Variants in ACACA observed in about 807,000 individuals in gnomAD.
ACACA encodes the protein acetyl-CoA carboxylase alpha.
A neutral mutation model predicts 296.1 loss-of-function variants in ACACA; 103 were observed. The observed-to-expected ratio is 0.35, with a 90% CI of 0.30 to 0.41. The LOEUF is 0.41. Ranked by LOEUF, ACACA falls within the 10% of genes least tolerant of loss-of-function variation. The pLI, the probability that ACACA is intolerant of heterozygous loss-of-function variation, is 1.00. For synonymous variants in ACACA, 953 were observed against 1,038.6 expected (o/e 0.92, Z 1.58); for missense variants, 1,554 against 2,989.7 (o/e 0.52, Z 11.20).
At chr17:37,166,045 A>G (rs1384214534) in intron 41 of ACACA, among the ~76,000 whole-genome samples, 1 of 152,222 alleles carries the variant, frequency 6.6e-6, no homozygotes, top group African/African-American at 2.4e-5. Context: ...TTGAACGATT[A>G]TAGCATCTCC....
chr17:37,268,766 T>C (rs996487163), intron 10 of ACACA, among the ~76,000 whole-genome samples: 101 of 146,850 alleles, frequency 6.9e-4, no homozygotes, highest in African/African-American at 2.5e-3. Flanking sequence ...TATATATATA[T>C]ATCTGGTTCA....
At chr17:37,368,942 T>C (rs1597722438) in intron 1 of ACACA, among the ~76,000 whole-genome samples, 1 of 152,296 alleles carries the variant, frequency 6.6e-6, no homozygotes, top group African/African-American at 2.4e-5. Context: ...CTACATACCC[T>C]ATAACCAGCG....
intron 28 of ACACA, among the ~76,000 whole-genome samples, chr17:37,223,017 G>A (rs2079369530): frequency 6.6e-6 from 1 of 152,038 alleles, no homozygotes; most frequent in Non-Finnish European, 1.5e-5. Context: ...AGTAACTGTA[G>A]GATTAAATGA....
At chr17:37,231,555 C>T (rs1219845833) in intron 25 of ACACA, among the ~76,000 whole-genome samples, 1 of 152,128 alleles carries the variant, frequency 6.6e-6, no homozygotes, top group African/African-American at 2.4e-5. Flanking sequence ...AAATTATTTG[C>T]AGTCAGGTTA....
rs916006265 is a variant in ACACA at position 37,192,339 on chromosome 17, A to G, written c.4201-34T>C. On this transcript the variant is annotated intron_variant, in intron 36 of 55. Coordinates refer to ENST00000616317, the MANE Select transcript of ACACA (RefSeq NM_198834.3). ...AAGAATCAGAGAAAAAACAGCTCACAAGAGGCAGTTACAAAATTATACTAT... is the reference window on the plus strand; with the variant it reads ...AAGAATCAGAGAAAAAACAGCTCACGAGAGGCAGTTACAAAATTATACTAT... 9.4e-6 allele frequency: 15 copies of G among 1,589,292 alleles called. 1 individual carries two copies. Among genetic ancestry groups the G allele is most frequent in the African/African-American group, 1.3e-5 (1 of 74,356 alleles).
intron 12 of ACACA, 140 bp downstream of exon 12, chr17:37,259,220 C>T: frequency 2.0e-6 from 2 of 989,086 alleles, no homozygotes; most frequent in Non-Finnish European, 3.2e-6. Context: ...ACATGCATAA[C>T]ACATACAGGG....
At chr17:37,188,619 G>A (rs2077628586) in intron 38 of ACACA, 139 bp from the exon 39 acceptor site, 1 of 854,402 alleles carries the variant, frequency 1.2e-6, no homozygotes, top group South Asian at 1.6e-5. Context: ...ACAAAAAGTG[G>A]TCAGATAGTT....
intron 1 of ACACA, chr17:37,391,503 T>G (rs760582677): frequency 1.4e-6 from 1 of 704,856 alleles, no homozygotes; most frequent in Non-Finnish European, 2.5e-6. Context: ...ACTTTCTCAG[T>G]GTAATTATCG....
chr17:37,401,576 T>C (rs2051293566), intron 1 of ACACA, among the ~76,000 whole-genome samples: 1 of 127,322 alleles, frequency 7.9e-6, no homozygotes, highest in African/African-American at 3.1e-5. Flanking sequence ...TTTTTTTTTT[T>C]CCAGACGAGG....
chr17:37,301,298 A>C, intron 3 of ACACA: 1 of 827,290 alleles, frequency 1.2e-6, no homozygotes, highest in South Asian at 5.5e-5. Context: ...GAATACAAGA[A>C]ATAAAAAGCC....
intron 1 of ACACA, among the ~76,000 whole-genome samples, chr17:37,382,265 C>T (rs1357279642): frequency 6.6e-6 from 1 of 152,014 alleles, no homozygotes; most frequent in East Asian, 1.9e-4. Flanking sequence ...CCTATTCCCC[C>T]ACAGCTGCTG....
chr17:37,399,771 T>C (rs1393876587), intron 1 of ACACA, among the ~76,000 whole-genome samples: 1 of 152,164 alleles, frequency 6.6e-6, no homozygotes, highest in African/African-American at 2.4e-5. Context: ...AAAATCCTGA[T>C]GCCAGCCAAC....
Position 37,223,432 on chromosome 17 carries a change from C to T in ACACA, c.3564+80G>A, listed in dbSNP as rs980108826. Reference sequence around the variant, plus strand: ...CAACCTTAAGGCCAGAGAACTAGAACTGACATGGCAGCCAAATAGACAGAA... The same window carrying T: ...CAACCTTAAGGCCAGAGAACTAGAATTGACATGGCAGCCAAATAGACAGAA... On this transcript the variant is annotated intron_variant, in intron 28 of 55. Coordinates refer to ENST00000616317, the MANE Select transcript of ACACA (RefSeq NM_198834.3). 3.4e-6 allele frequency: 4 copies of T among 1,174,662 alleles called. No homozygotes were observed. The African/African-American group carries it at 4.5e-5, about 13-fold the overall frequency. 72.8% of individuals were successfully genotyped at this position (1,174,662 alleles called of 1,614,324 possible). A position where few individuals can be genotyped will look rare whatever the true frequency, so the allele number is the denominator to read the frequency against.
intron 1 of ACACA, among the ~76,000 whole-genome samples, chr17:37,400,728 T>TTGTG (rs551347148): frequency 0.01 from 1,527 of 146,032 alleles, 27 homozygotes; most frequent in African/African-American, 0.034. Context: ...CAGTATTCCA[T>TTGTG]TGTGTGTGTG....
chr17:37,282,479 T>A (rs2082584888), intron 5 of ACACA, among the ~76,000 whole-genome samples: 1 of 152,230 alleles, frequency 6.6e-6, no homozygotes, highest in Admixed American at 6.5e-5. Flanking sequence ...AATAAATTGG[T>A]GTCTTCTCAA....
intron 47 of ACACA, among the ~76,000 whole-genome samples, chr17:37,126,949 T>C (rs1413588667): frequency 1.3e-5 from 2 of 152,216 alleles, no homozygotes; most frequent in Admixed American, 6.5e-5. Context: ...TGCTTTAACT[T>C]ATCACAGGGA....
intron 11 of ACACA, among the ~76,000 whole-genome samples, chr17:37,260,615 T>G (rs1017160346): frequency 6.6e-6 from 1 of 152,048 alleles, no homozygotes; most frequent in Non-Finnish European, 1.5e-5. Context: ...TAAGTCATAT[T>G]TTGAAAAGGA....
At chr17:37,377,903 T>C in intron 1 of ACACA, 1 of 1,611,368 alleles carries the variant, frequency 6.2e-7, no homozygotes, top group African/African-American at 1.3e-5. Flanking sequence ...AGTTGCCGAC[T>C]GGAACAGCTG....
chr17:37,219,424 T>C (rs1286956229), intron 29 of ACACA, among the ~76,000 whole-genome samples: 1 of 151,956 alleles, frequency 6.6e-6, no homozygotes, highest in Non-Finnish European at 1.5e-5. Context: ...ACTGAGAAAA[T>C]TGAGGGGACC....
Sources: allele counts gnomAD v4.1 joint callset (sites outside exome capture counted in the v4.1 genomes callset), GRCh38; gene constraint gnomAD v4.1.1; transcripts MANE v1.5; gene names NCBI Gene and HGNC (gene_info 2026-07-23, HGNC 2026-07-21).